Variants in DYNLT2B observed in about 807,000 individuals in gnomAD.
The protein encoded by DYNLT2B is dynein light chain Tctex-type 2B, also known as dynein light chain Tctex-type protein 2B.
A neutral mutation model predicts 19.5 loss-of-function variants in DYNLT2B; 14 were observed. That is an observed-to-expected ratio of 0.72 (90% CI 0.47 to 1.12). DYNLT2B has a LOEUF of 1.12. DYNLT2B is among the 50% of genes most tolerant of loss of function. The pLI, the probability that DYNLT2B is intolerant of heterozygous loss-of-function variation, is 0.00. For synonymous variants in DYNLT2B, 70 were observed against 59.7 expected (o/e 1.17, Z -0.79); for missense variants, 133 against 174.7 (o/e 0.76, Z 1.35).
intron 4 of DYNLT2B, chr3:196,292,265 G>A (rs997253290): frequency 2.5e-4 from 38 of 152,190 alleles, no homozygotes; most frequent in Admixed American, 2.5e-3. Flanking sequence ...ATTTCCACCT[G>A]CCTCAGCAAC....
chr3:196,316,030 GA>G, intron 2 of DYNLT2B, 67 bp downstream of exon 2: 2 of 1,539,648 alleles, frequency 1.3e-6, no homozygotes, highest in Non-Finnish European at 1.8e-6. Context: ...TAAAGATGGA[GA>G]GGGGGCAAAT....
intron 3 of DYNLT2B, among the ~76,000 whole-genome samples, chr3:196,297,512 G>A (rs1464000249): frequency 1.3e-5 from 2 of 151,586 alleles, no homozygotes; most frequent in African/African-American, 4.8e-5. Flanking sequence ...GCGACAGAGT[G>A]AGACTCTGTC....
Position 196,291,242 on chromosome 3 carries a change from C to A in DYNLT2B, c.*85G>T. On this transcript the variant is annotated 3_prime_UTR_variant, in exon 5 of 5. Coordinates refer to ENST00000325318, the MANE Select transcript of DYNLT2B (RefSeq NM_152773.5). The stretch of plus-strand genomic sequence containing the variant: ...GATTCAGTTGTCAAACTACTAACAT[C>A]TTTATTTTGTCAAGATATTTAACAA... The A allele has an allele frequency of 2.3e-6, 3 of 1,285,270 alleles. No homozygotes were observed. Among genetic ancestry groups the A allele is most frequent in the Non-Finnish European group, 3.3e-6 (3 of 922,986 alleles). The allele number at this position is 1,285,270 out of a possible 1,614,324, so 79.6% of individuals were successfully genotyped here.
chr3:196,300,733 A>AT lies in DYNLT2B; in HGVS notation c.318-4665_318-4664insA, dbSNP rs1437113376. 7.2e-3 allele frequency among the ~76,000 whole-genome samples: 1,041 copies of AT among 144,508 alleles called. 11 individuals carry two copies. The highest frequency in any genetic ancestry group is 0.024 in the African/African-American group (960 of 39,498). 94.8% of individuals were successfully genotyped at this position (144,508 alleles called of 152,430 possible). ...AACAAGAATGAAACTCTGTCTCCAA[A>AT]AAAAAAAAAAAAAAAAAAATAGAAA... is the stretch of plus-strand genomic sequence containing the variant. On this transcript the variant is annotated intron_variant, in intron 3 of 4. Transcript: ENST00000325318.
chr3:196,313,764 A>T (rs1726700830), intron 2 of DYNLT2B, among the ~76,000 whole-genome samples: 1 of 152,196 alleles, frequency 6.6e-6, no homozygotes, highest in Non-Finnish European at 1.5e-5. Flanking sequence ...AAAACAATAA[A>T]CACAAATATT....
At chr3:196,306,859 G>C in intron 3 of DYNLT2B, 84 bp downstream of exon 3, 1 of 1,249,186 alleles carries the variant, frequency 8.0e-7, no homozygotes. Flanking sequence ...TCTTGTAAAG[G>C]CACTCTTACT....
At chr3:196,312,932 A>G (rs1053490516) in intron 2 of DYNLT2B, among the ~76,000 whole-genome samples, 1 of 152,088 alleles carries the variant, frequency 6.6e-6, no homozygotes, top group African/African-American at 2.4e-5. Context: ...CAGGAGAATC[A>G]CTTGAGCCCG....
chr3:196,306,917 A>T, intron 3 of DYNLT2B, 26 bp downstream of exon 3: 2 of 1,602,100 alleles, frequency 1.2e-6, no homozygotes, highest in African/African-American at 2.7e-5. Context: ...GATGACTAAA[A>T]CAAGAAGGAA....
intron 1 of DYNLT2B, among the ~76,000 whole-genome samples, chr3:196,316,934 G>GGTGTGTGT (rs367746234): frequency 2.6e-5 from 2 of 76,764 alleles, no homozygotes; most frequent in Non-Finnish European, 5.6e-5. Flanking sequence ...TGTGTTGTGT[G>GGTGTGTGT]GTGTGTGTGT....
At chr3:196,316,500 T>C (rs1310141900) in intron 1 of DYNLT2B, among the ~76,000 whole-genome samples, 1 of 152,090 alleles carries the variant, frequency 6.6e-6, no homozygotes, top group African/African-American at 2.4e-5. Context: ...GAGCTTCTCA[T>C]ACTCCCCTCT....
chr3:196,296,373 C>T (rs141000177), intron 3 of DYNLT2B: 215 of 229,682 alleles, frequency 9.4e-4, no homozygotes, highest in African/African-American at 4.7e-3. Context: ...TTTTAATGAG[C>T]TCAGCTCCTG....
At chr3:196,310,938 G>T (rs1314273492) in intron 2 of DYNLT2B, among the ~76,000 whole-genome samples, 1 of 151,772 alleles carries the variant, frequency 6.6e-6, no homozygotes, top group Non-Finnish European at 1.5e-5. Context: ...GTTTCACCAT[G>T]TTGCCCAGGG....
At chr3:196,296,233 T>C (rs1369822739) in intron 3 of DYNLT2B, 164 bp from the exon 4 acceptor site, 1 of 604,800 alleles carries the variant, frequency 1.7e-6, no homozygotes, top group African/African-American at 1.9e-5. Flanking sequence ...CCAGAGAGTA[T>C]ACTGGGTAAA....
intron 2 of DYNLT2B, among the ~76,000 whole-genome samples, chr3:196,307,961 A>G (rs1726537229): frequency 6.6e-6 from 1 of 151,208 alleles, no homozygotes; most frequent in Non-Finnish European, 1.5e-5. Flanking sequence ...GATCCCTGTA[A>G]CCCCAGCTAC....
chr3:196,314,708 G>C (rs1726730270), intron 2 of DYNLT2B, among the ~76,000 whole-genome samples: 1 of 151,130 alleles, frequency 6.6e-6, no homozygotes, highest in Non-Finnish European at 1.5e-5. Flanking sequence ...TGTAGACCCA[G>C]CTACTTGGGA....
chr3:196,306,766 C>T lies in DYNLT2B; in HGVS notation c.317+177G>A, dbSNP rs569158292. On this transcript the variant is annotated intron_variant, in intron 3 of 4. Transcript: ENST00000325318. Reference sequence around the variant, plus strand: ...ATGTTGGCCAGGCTGGTCTTGAACTCCTGACCTCAGGTGATCCACCCGCCT... The same window carrying T: ...ATGTTGGCCAGGCTGGTCTTGAACTTCTGACCTCAGGTGATCCACCCGCCT... 1.6e-3 allele frequency among the ~76,000 whole-genome samples: 248 copies of T among 152,198 alleles called. 1 individual carries two copies. The highest frequency in any genetic ancestry group is 2.3e-3 in the Non-Finnish European group (154 of 68,016).
At position 196,291,272 on chromosome 3, in the gene DYNLT2B, A is replaced by G; in HGVS notation, c.*55T>C. ...TTTTGTCAAGATATTTAACAATATT[A>G]AAAAGTTCAGATTTCTTCATGGTCA... On this transcript the variant is annotated 3_prime_UTR_variant, in exon 5 of 5. Coordinates refer to ENST00000325318, the MANE Select transcript of DYNLT2B (RefSeq NM_152773.5). 6.6e-7 allele frequency: 1 copy of G among 1,512,766 alleles called. No individual in the cohort carries two copies. Among genetic ancestry groups the G allele is most frequent in the East Asian group, 2.3e-5 (1 of 43,688 alleles). 93.7% of individuals were successfully genotyped at this position (1,512,766 alleles called of 1,614,324 possible).
intron 3 of DYNLT2B, among the ~76,000 whole-genome samples, chr3:196,299,760 T>A (rs1002690098): frequency 5.9e-5 from 9 of 151,504 alleles, no homozygotes; most frequent in African/African-American, 1.7e-4. Flanking sequence ...TGAAACCCCG[T>A]CTCTACTAAA....
At chr3:196,303,542 G>A (rs561987040) in intron 3 of DYNLT2B, among the ~76,000 whole-genome samples, 48 of 152,218 alleles carry the variant, frequency 3.2e-4, no homozygotes, top group Non-Finnish European at 2.6e-4. Context: ...CGAGAATGGC[G>A]TCTTACCTCT....
Sources: gnomAD v4.1 joint callset for allele counts (sites outside exome capture counted in the v4.1 genomes callset) on GRCh38, gnomAD v4.1.1 for gene constraint, MANE v1.5 for transcripts, NCBI Gene and HGNC (gene_info 2026-07-23, HGNC 2026-07-21) for gene names.